The following IQCJ variants were observed in gnomAD, a reference collection of about 807,000 sequenced individuals.
The protein encoded by IQCJ is IQ domain-containing protein J.
IQCJ carries 9 observed loss-of-function variants against 11.0 expected under a neutral mutation model. The ratio of observed to expected loss-of-function variants is 0.82; its 90% CI spans 0.49 to 1.43. IQCJ has a LOEUF of 1.43. IQCJ is among the 40% of genes most tolerant of loss of function. The pLI, the probability that IQCJ is intolerant of heterozygous loss-of-function variation, is 0.00. For synonymous variants in IQCJ, 55 were observed against 51.3 expected (o/e 1.07, Z -0.31); for missense variants, 146 against 133.2 (o/e 1.10, Z -0.47).
chr3:159,092,185 T>A (rs1334897301), intron 1 of IQCJ, among the ~76,000 whole-genome samples: 1 of 151,790 alleles, frequency 6.6e-6, no homozygotes, highest in African/African-American at 2.4e-5. Context: ...GAATACAATA[T>A]CACCTACATA....
intron 1 of IQCJ, among the ~76,000 whole-genome samples, chr3:159,200,678 A>T (rs1724275536): frequency 6.6e-6 from 1 of 152,184 alleles, no homozygotes; most frequent in South Asian, 2.1e-4. Context: ...CCTGGAAGAG[A>T]ACATCTAATT....
chr3:159,235,565 C>T (rs773249623), intron 1 of IQCJ, among the ~76,000 whole-genome samples: 1 of 152,136 alleles, frequency 6.6e-6, no homozygotes, highest in Non-Finnish European at 1.5e-5. Flanking sequence ...GGTGCTTATT[C>T]AGATTAGGGC....
chr3:159,074,321 A>G (rs1156724136), intron 1 of IQCJ, among the ~76,000 whole-genome samples: 1 of 152,092 alleles, frequency 6.6e-6, no homozygotes, highest in African/African-American at 2.4e-5. Context: ...AAGACATGAA[A>G]AATATGAAGT....
intron 1 of IQCJ, among the ~76,000 whole-genome samples, chr3:159,138,675 A>C (rs370745804): frequency 1.3e-5 from 2 of 152,304 alleles, no homozygotes; most frequent in African/African-American, 4.8e-5. Context: ...GGTTGTGTGC[A>C]TTACTGATTG....
intron 1 of IQCJ, among the ~76,000 whole-genome samples, chr3:159,176,589 T>C (rs561630941): frequency 5.9e-5 from 9 of 152,282 alleles, no homozygotes; most frequent in African/African-American, 2.2e-4. Flanking sequence ...AAGCCACACA[T>C]ATAATTTTAA....
In IQCJ at chr3:159,263,338, A is replaced by G. The variant is rs1728327443; in HGVS notation, c.*607A>G. On this transcript the variant is annotated 3_prime_UTR_variant, in exon 4 of 4. Transcript: ENST00000397832. Reference sequence around the variant, plus strand: ...GTGTTAGCAGCCAGTAAGAAAATTTAAAAGGTAAAGTAAGCATGCCTACAG... The same window carrying G: ...GTGTTAGCAGCCAGTAAGAAAATTTGAAAGGTAAAGTAAGCATGCCTACAG... 5 of 603,014 alleles carry G rather than the reference A, an allele frequency of 8.3e-6. No homozygotes were observed. Among genetic ancestry groups the G allele is most frequent in the Non-Finnish European group, 1.0e-5 (5 of 480,974 alleles). The allele number at this position is 603,014 out of a possible 1,614,324, so 37.4% of individuals were successfully genotyped here.
At chr3:159,166,778 C>T (rs1280833704) in intron 1 of IQCJ, among the ~76,000 whole-genome samples, 1 of 152,106 alleles carries the variant, frequency 6.6e-6, no homozygotes, top group Non-Finnish European at 1.5e-5. Flanking sequence ...TAGCTGATTT[C>T]AAGACAAAGG....
chr3:159,174,551 ATTTATC>A (rs1722668398), intron 1 of IQCJ, among the ~76,000 whole-genome samples: 1 of 152,136 alleles, frequency 6.6e-6, no homozygotes, highest in South Asian at 2.1e-4. Flanking sequence ...ATATAATTTT[ATTTATC>A]TTTAACTTCA....
In IQCJ at chr3:159,263,072, C is replaced by T. The variant is rs1026831017; in HGVS notation, c.*341C>T. The T allele has an allele frequency of 4.0e-6, 4 of 999,154 alleles. No homozygotes were observed. The highest frequency in any genetic ancestry group is 4.8e-6 in the Non-Finnish European group (4 of 838,180). 61.9% of individuals were successfully genotyped at this position (999,154 alleles called of 1,614,324 possible). ...TAAGGAGTAGAAAGAGAACTTTTAC[C>T]AGAAGAATTGAAAGTGGTCACACAC... On this transcript the variant is annotated 3_prime_UTR_variant, in exon 4 of 4. Transcript: ENST00000397832.
intron 1 of IQCJ, among the ~76,000 whole-genome samples, chr3:159,092,997 T>G (rs1717446539): frequency 6.6e-6 from 1 of 151,806 alleles, no homozygotes; most frequent in Non-Finnish European, 1.5e-5. Context: ...TGGACTTTCC[T>G]TATTTCTCAA....
intron 1 of IQCJ, among the ~76,000 whole-genome samples, chr3:159,205,830 T>C (rs1724627776): frequency 6.6e-6 from 1 of 152,186 alleles, no homozygotes; most frequent in Non-Finnish European, 1.5e-5. Flanking sequence ...CTGTTTCTGC[T>C]TCCAAATTAT....
intron 1 of IQCJ, among the ~76,000 whole-genome samples, chr3:159,234,965 G>A (rs1317383852): frequency 6.6e-6 from 1 of 152,148 alleles, no homozygotes; most frequent in Non-Finnish European, 1.5e-5. Context: ...TAAACAATTT[G>A]GGAGTTACAT....
intron 1 of IQCJ, among the ~76,000 whole-genome samples, chr3:159,106,451 TAGTC>T (rs1486674939): frequency 3.3e-5 from 5 of 151,750 alleles, no homozygotes; most frequent in Non-Finnish European, 5.9e-5. Flanking sequence ...CCTCACCACT[TAGTC>T]AGGAATTTGA....
intron 1 of IQCJ, among the ~76,000 whole-genome samples, chr3:159,149,343 CT>C (rs916767636): frequency 4.6e-5 from 7 of 152,266 alleles, no homozygotes; most frequent in African/African-American, 1.7e-4. Context: ...TTGTCTGGAG[CT>C]GTTTTTGAAT....
At chr3:159,175,386 A>T (rs1722738425) in intron 1 of IQCJ, among the ~76,000 whole-genome samples, 1 of 152,172 alleles carries the variant, frequency 6.6e-6, no homozygotes, top group Non-Finnish European at 1.5e-5. Context: ...TGGGAGGATC[A>T]CTTGAGCCCA....
chr3:159,256,014 C>T (rs777441178), intron 3 of IQCJ, among the ~76,000 whole-genome samples: 7 of 152,188 alleles, frequency 4.6e-5, no homozygotes, highest in Non-Finnish European at 7.4e-5. Flanking sequence ...GAGAAGGCCT[C>T]GCAGCACAGG....
chr3:159,165,794 T>TC, intron 1 of IQCJ, among the ~76,000 whole-genome samples: 1 of 148,478 alleles, frequency 6.7e-6, no homozygotes, highest in Admixed American at 6.7e-5. Flanking sequence ...TTGTATTTTT[T>TC]TTTTTTTTTT....
intron 1 of IQCJ, among the ~76,000 whole-genome samples, chr3:159,082,917 C>T (rs1031007428): frequency 2.0e-5 from 3 of 152,106 alleles, no homozygotes; most frequent in Non-Finnish European, 2.9e-5. Flanking sequence ...TGATATCCTT[C>T]AGCAAGAACA....
chr3:159,189,192 A>G (rs1032497040), intron 1 of IQCJ, among the ~76,000 whole-genome samples: 1 of 152,196 alleles, frequency 6.6e-6, no homozygotes, highest in African/African-American at 2.4e-5. Flanking sequence ...AATAAATAAT[A>G]GTGACTACGG....
Sources: gnomAD v4.1 joint callset for allele counts (sites outside exome capture counted in the v4.1 genomes callset) on GRCh38, gnomAD v4.1.1 for gene constraint, MANE v1.5 for transcripts, NCBI Gene and HGNC (gene_info 2026-07-23, HGNC 2026-07-21) for gene names.